BTBD9: variants seen among roughly 807,000 people sequenced by gnomAD.
The protein encoded by BTBD9 is BTB/POZ domain-containing protein 9.
BTBD9 carries 49 observed loss-of-function variants against 64.3 expected under a neutral mutation model. The ratio of observed to expected loss-of-function variants is 0.76; its 90% CI spans 0.61 to 0.97. BTBD9 has a LOEUF of 0.97. Ranked by LOEUF, BTBD9 falls within the 50% of genes least tolerant of loss-of-function variation. The probability of loss-of-function intolerance (pLI) is 0.00; values close to 1 mark genes in which losing one functional copy is unlikely to be tolerated. For synonymous variants in BTBD9, 260 were observed against 274.7 expected, an observed-to-expected ratio of 0.95 and a Z score of 0.53; for missense variants, 598 against 762.1, an observed-to-expected ratio of 0.78 and a Z score of 2.53.
At chr6:38,268,123 C>T (rs1765077316) in intron 8 of BTBD9, among the ~76,000 whole-genome samples, 1 of 152,144 alleles carries the variant, frequency 6.6e-6, no homozygotes, top group Non-Finnish European at 1.5e-5. Flanking sequence ...CAAAAACAAC[C>T]TCCCCCAGCC....
chr6:38,340,211 A>C (rs555416451), intron 7 of BTBD9, among the ~76,000 whole-genome samples: 2 of 152,340 alleles, frequency 1.3e-5, no homozygotes, highest in East Asian at 3.9e-4. Context: ...AGTTCTGTCT[A>C]CTGAAGGTCT....
chr6:38,171,846 C>CAAAAAAAAAA lies in BTBD9; in HGVS notation c.*3129_*3138dup, dbSNP rs869155666. 3.7e-4 allele frequency: 29 copies of CAAAAAAAAAA among 79,182 alleles called. No homozygotes were observed. The highest frequency in any genetic ancestry group is 7.2e-3 in the Middle Eastern group (1 of 138). 4.9% of individuals were successfully genotyped at this position (79,182 alleles called of 1,614,324 possible). On this transcript the variant is annotated 3_prime_UTR_variant, in exon 11 of 11. Coordinates refer to ENST00000481247, the MANE Select transcript of BTBD9 (RefSeq NM_001099272.2). Reference sequence around the variant, plus strand: ...TCCAATGAAGTTGCCTTTCTACTCTCAAAAAAAAAAAAAAAAAAAAAAAAA... The same window carrying CAAAAAAAAAA: ...TCCAATGAAGTTGCCTTTCTACTCTCAAAAAAAAAAAAAAAAAAAAAAAAAAAAAAAAAAA...
intron 10 of BTBD9, among the ~76,000 whole-genome samples, chr6:38,181,990 G>GACAA (rs56722679): frequency 1.3e-5 from 2 of 151,916 alleles, no homozygotes; most frequent in African/African-American, 4.8e-5. Context: ...CTGTCTCAAA[G>GACAA]ACAAACAAAC....
intron 6 of BTBD9, among the ~76,000 whole-genome samples, chr6:38,447,420 C>A (rs993709801): frequency 2.6e-5 from 4 of 152,170 alleles, no homozygotes; most frequent in African/African-American, 9.7e-5. Context: ...TCAAAAAGAA[C>A]CTTAAACATT....
intron 7 of BTBD9, among the ~76,000 whole-genome samples, chr6:38,308,835 C>T (rs1247058438): frequency 6.6e-6 from 1 of 151,850 alleles, no homozygotes; most frequent in African/African-American, 2.4e-5. Context: ...ATTGCCCAGG[C>T]TGGTCTCAAA....
chr6:38,454,858 C>A (rs554535940), intron 6 of BTBD9, among the ~76,000 whole-genome samples: 57 of 149,540 alleles, frequency 3.8e-4, no homozygotes, highest in Non-Finnish European at 2.2e-4. Flanking sequence ...TAAAATGAAA[C>A]CTCACTCATT....
chr6:38,340,386 A>G (rs1197038335), intron 7 of BTBD9, among the ~76,000 whole-genome samples: 3 of 152,234 alleles, frequency 2.0e-5, no homozygotes, highest in African/African-American at 7.2e-5. Context: ...TTGTTATGCC[A>G]GAAAGCACGG....
intron 6 of BTBD9, among the ~76,000 whole-genome samples, chr6:38,451,406 C>T (rs895760088): frequency 6.6e-6 from 1 of 152,172 alleles, no homozygotes; most frequent in Non-Finnish European, 1.5e-5. Flanking sequence ...TCTGATAAAC[C>T]TTGACTCAAA....
chr6:38,303,854 T>TATATATATAG (rs1762505087), intron 7 of BTBD9, among the ~76,000 whole-genome samples: 1 of 117,392 alleles, frequency 8.5e-6, no homozygotes, highest in South Asian at 2.7e-4. Context: ...TATATATATA[T>TATATATATAG]ATATATATAT....
At chr6:38,484,279 T>C (rs1771298407) in intron 6 of BTBD9, among the ~76,000 whole-genome samples, 1 of 152,330 alleles carries the variant, frequency 6.6e-6, no homozygotes, top group African/African-American at 2.4e-5. Flanking sequence ...GGGGTAATCA[T>C]TAGTTGTTTT....
rs555902688 is a variant in BTBD9 at position 38,557,753 on chromosome 6, C to G, written c.1154+19847G>C. On this transcript the variant is annotated intron_variant, in intron 6 of 10. Transcript: ENST00000481247. ...TCCCAAAAAAACAGAGGTCCCAGAC[C>G]AGGCACATATCTTCTAAGCCTTACA... 4.9e-4 allele frequency among the ~76,000 whole-genome samples: 74 copies of G among 151,974 alleles called. 1 individual carries two copies. Among genetic ancestry groups the G allele is most frequent in the African/African-American group, 1.7e-3 (69 of 41,436 alleles).
chr6:38,527,926 T>C (rs1773581919), intron 6 of BTBD9, among the ~76,000 whole-genome samples: 1 of 151,782 alleles, frequency 6.6e-6, no homozygotes, highest in African/African-American at 2.4e-5. Context: ...ATTTAACAAC[T>C]ATCCACATAA....
intron 7 of BTBD9, among the ~76,000 whole-genome samples, chr6:38,305,352 G>C (rs1258776750): frequency 1.3e-5 from 2 of 152,208 alleles, no homozygotes; most frequent in Admixed American, 1.3e-4. Flanking sequence ...TGCCCCACAT[G>C]CAGAAAGTTT....
chr6:38,362,838 G>A (rs999362498), intron 6 of BTBD9, among the ~76,000 whole-genome samples: 15 of 152,110 alleles, frequency 9.9e-5, no homozygotes, highest in Non-Finnish European at 2.1e-4. Flanking sequence ...TGATATGATG[G>A]CAGAGTTGCT....
intron 6 of BTBD9, among the ~76,000 whole-genome samples, chr6:38,434,411 C>T (rs1241536355): frequency 6.6e-6 from 1 of 151,900 alleles, no homozygotes. Flanking sequence ...CAAACTCAAC[C>T]AGAAAATGTT....
intron 6 of BTBD9, among the ~76,000 whole-genome samples, chr6:38,552,884 G>A (rs999648911): frequency 1.3e-5 from 2 of 152,064 alleles, no homozygotes; most frequent in Non-Finnish European, 2.9e-5. Context: ...ATGGGGGATT[G>A]GTTCCAGGAC....
chr6:38,440,462 T>C (rs1177154549), intron 6 of BTBD9, among the ~76,000 whole-genome samples: 1 of 152,176 alleles, frequency 6.6e-6, no homozygotes, highest in African/African-American at 2.4e-5. Context: ...AGCACTGTGG[T>C]AATAATTGGT....
intron 6 of BTBD9, among the ~76,000 whole-genome samples, chr6:38,531,828 C>A (rs934441240): frequency 6.6e-6 from 1 of 152,082 alleles, no homozygotes; most frequent in African/African-American, 2.4e-5. Flanking sequence ...CTCATGATAA[C>A]CTCAAATCAA....
chr6:38,417,539 T>G (rs1445631744), intron 6 of BTBD9, among the ~76,000 whole-genome samples: 1 of 152,188 alleles, frequency 6.6e-6, no homozygotes, highest in Non-Finnish European at 1.5e-5. Context: ...TTCGGGAGGC[T>G]GAGGCTAGTG....
Sources: allele counts gnomAD v4.1 joint callset (sites outside exome capture counted in the v4.1 genomes callset), GRCh38; gene constraint gnomAD v4.1.1; transcripts MANE v1.5; gene names NCBI Gene and HGNC (gene_info 2026-07-23, HGNC 2026-07-21).